AOX1: variants seen among roughly 807,000 people sequenced by gnomAD.
AOX1 encodes aldehyde oxidase 1, also known as aldehyde oxidase.
A neutral mutation model predicts 169.5 loss-of-function variants in AOX1; 153 were observed. That is an observed-to-expected ratio of 0.90 (90% confidence interval 0.79 to 1.03). The LOEUF (loss-of-function observed/expected upper bound fraction) is 1.03. Among genes scored for constraint, AOX1 ranks in the 50% least tolerant of loss-of-function variants. The pLI is 0.00. For missense variants in AOX1, 1,656 were observed against 1,663.9 expected, an observed-to-expected ratio of 1.00 and a Z score of 0.08; for synonymous variants, 562 against 581.9, an observed-to-expected ratio of 0.97 and a Z score of 0.49.
intron 27 of AOX1, 28 bp downstream of exon 27, chr2:200,656,965 T>G (rs762716414): frequency 1.0e-4 from 149 of 1,462,666 alleles, no homozygotes; most frequent in Non-Finnish European, 6.7e-5. Context: ...TCGATTGAGT[T>G]GGGTGTGTGC....
At chr2:200,586,305 C>T (rs2034029920) in intron 1 of AOX1, 152 bp downstream of exon 1, 1 of 844,020 alleles carries the variant, frequency 1.2e-6, no homozygotes, top group East Asian at 3.0e-5. Context: ...TTTGCCTTCG[C>T]ATTCCCACCC....
intron 25 of AOX1, among the ~76,000 whole-genome samples, chr2:200,646,805 A>T (rs1352650726): frequency 2.0e-5 from 3 of 152,184 alleles, no homozygotes; most frequent in African/African-American, 7.2e-5. Context: ...TTACCATTAT[A>T]TAATGCACCT....
chr2:200,618,592 G>A lies in AOX1; in HGVS notation c.1705-2058G>A, dbSNP rs148305640. ...CTGAAATAACACATGCCACTCTGCCGTTCTCTCCTGATATTCCAGCCCTGC... is the reference window on the plus strand; with the variant it reads ...CTGAAATAACACATGCCACTCTGCCATTCTCTCCTGATATTCCAGCCCTGC... On this transcript the variant is annotated intron_variant, in intron 16 of 34. Coordinates refer to ENST00000374700, the MANE Select transcript of AOX1 (RefSeq NM_001159.4). Among the ~76,000 whole-genome samples the A allele has an allele frequency of 1.1e-4, 17 of 152,158 alleles. No homozygotes were observed. The East Asian group carries it at 2.5e-3, about 22-fold the overall frequency.
chr2:200,607,665 C>T (rs911175984), intron 10 of AOX1, among the ~76,000 whole-genome samples: 4 of 152,142 alleles, frequency 2.6e-5, no homozygotes, highest in African/African-American at 9.7e-5. Flanking sequence ...GACACATGCA[C>T]ACTTAGGTAT....
Position 200,659,171 on chromosome 2 carries a change from A to G in AOX1, c.3178A>G (p.Ser1060Gly). 1 of 1,613,792 alleles carries G rather than the reference A, an allele frequency of 6.2e-7. No homozygotes were observed. The highest frequency in any genetic ancestry group is 8.5e-7 in the Non-Finnish European group (1 of 1,179,804). ...GVHTKMIQVV[S>G]RELRMPMSNV... ...ACTCTCTCTTAAAATTCAGGTGGTC[A>G]GCCGTGAATTAAGAATGCCAATGTC... Residue 1060 changes from serine to glycine, a missense_variant, in exon 28 of 35, where the codon AGC becomes GGC. Transcript: ENST00000374700.
intron 25 of AOX1, among the ~76,000 whole-genome samples, chr2:200,644,843 G>GCC: frequency 6.6e-6 from 1 of 152,088 alleles, no homozygotes; most frequent in Non-Finnish European, 1.5e-5. Context: ...TTGATTCTCT[G>GCC]CTTGGTCGCC....
rs752409848 is a variant in AOX1, at chr2:200,669,770, G to A, written c.3966+28G>A. On this transcript the variant is annotated intron_variant, in intron 34 of 34. Transcript: ENST00000374700. ...ACGTTTGCATGGTAGAAAAAAAATA[G>A]TGATCATAAAATTCTGAATTTTTGG... is the stretch of plus-strand genomic sequence containing the variant. 9.3e-6 allele frequency: 15 copies of A among 1,604,314 alleles called. No homozygotes were observed. The African/African-American group carries it at 1.3e-4, about 14-fold the overall frequency.
At chr2:200,649,293 C>T (rs1286158946) in intron 25 of AOX1, among the ~76,000 whole-genome samples, 1 of 151,938 alleles carries the variant, frequency 6.6e-6, no homozygotes, top group Non-Finnish European at 1.5e-5. Context: ...GCTGCTTCCT[C>T]TACCCCTGCA....
At chr2:200,608,381 C>T (rs1049386544) in intron 10 of AOX1, among the ~76,000 whole-genome samples, 4 of 152,122 alleles carry the variant, frequency 2.6e-5, no homozygotes, top group African/African-American at 9.7e-5. Flanking sequence ...TCTTTAAAAC[C>T]ACAGTAGCGA....
At chr2:200,590,004 G>T (rs2034135503) in intron 1 of AOX1, among the ~76,000 whole-genome samples, 1 of 152,154 alleles carries the variant, frequency 6.6e-6, no homozygotes, top group Admixed American at 6.5e-5. Flanking sequence ...CCCCATGGCT[G>T]TTCCCTGAGG....
Position 200,627,392 on chromosome 2 carries a change from A to C in AOX1, c.2164A>C (p.Lys722Gln), listed in dbSNP as rs1174016590. ...CAACTCCTCCTTCAAGCCAGAAAGGAAACTGGAATATGGAAATGTTGACGA... is the reference window on the plus strand; with the variant it reads ...CAACTCCTCCTTCAAGCCAGAAAGGCAACTGGAATATGGAAATGTTGACGA... Reference protein sequence around the residue: ...QHNSSFKPERKLEYGNVDEAF... With the variant: ...QHNSSFKPERQLEYGNVDEAF... Residue 722 changes from lysine to glutamine, a missense_variant, in exon 20 of 35, where the codon AAA becomes CAA. Transcript: ENST00000374700. The C allele has an allele frequency of 6.2e-7, 1 of 1,613,948 alleles. No individual in the cohort carries two copies. Among genetic ancestry groups the C allele is most frequent in the Admixed American group, 1.7e-5 (1 of 60,010 alleles).
chr2:200,679,694 C>A (rs1004001771), downstream of AOX1, among the ~76,000 whole-genome samples: 3 of 151,760 alleles, frequency 2.0e-5, no homozygotes, highest in African/African-American at 7.3e-5. Flanking sequence ...CATCTCATTG[C>A]CTCAGGGAGG....
At chr2:200,671,645 G>A (rs1362709143), downstream of AOX1, 1 of 152,142 alleles carries the variant, frequency 6.6e-6, no homozygotes, top group Non-Finnish European at 1.5e-5. Context: ...TAATCAAAAT[G>A]ATGGACAGCA....
At chr2:200,621,353 A>G in intron 18 of AOX1, 107 bp downstream of exon 18, 3 of 1,045,970 alleles carry the variant, frequency 2.9e-6, no homozygotes, top group East Asian at 2.5e-5. Context: ...AGACTCCAGT[A>G]TTCTTAGAAT....
chr2:200,620,207 T>TG (rs1272818087), intron 16 of AOX1, among the ~76,000 whole-genome samples: 1 of 150,900 alleles, frequency 6.6e-6, no homozygotes, highest in Non-Finnish European at 1.5e-5. Context: ...GACTTTTTTT[T>TG]TTTTTTTTTT....
chr2:200,597,004 G>A (rs2034297176), intron 3 of AOX1, among the ~76,000 whole-genome samples: 1 of 152,304 alleles, frequency 6.6e-6, no homozygotes. Context: ...TGTTGGTGAA[G>A]TCTGGCTGCT....
chr2:200,642,533 C>T, intron 24 of AOX1, 77 bp from the exon 25 acceptor site: 2 of 1,286,504 alleles, frequency 1.6e-6, no homozygotes, highest in Non-Finnish European at 1.1e-6. Flanking sequence ...CATTTTCGGC[C>T]TGGTTTTGGT....
At chr2:200,641,987 G>A (rs1319004777) in intron 24 of AOX1, among the ~76,000 whole-genome samples, 1 of 152,048 alleles carries the variant, frequency 6.6e-6, no homozygotes, top group Non-Finnish European at 1.5e-5. Context: ...ACTAAAGCCG[G>A]GTATGGTGGC....
At position 200,604,856 on chromosome 2, in the gene AOX1, G is replaced by A. The variant is rs772351866; in HGVS notation, c.814+16G>A. ...ACCTCTGTGGGTATGTAGAACCCCA[G>A]GGATTTTTTATAGGGAAATTGAGAA... On this transcript the variant is annotated intron_variant, in intron 9 of 34. Coordinates refer to ENST00000374700, the MANE Select transcript of AOX1 (RefSeq NM_001159.4). The A allele has an allele frequency of 7.4e-6, 12 of 1,612,462 alleles. No individual in the cohort carries two copies. Among genetic ancestry groups the A allele is most frequent in the Non-Finnish European group, 1.0e-5 (12 of 1,179,086 alleles).
Sources: gnomAD v4.1 joint callset for allele counts (sites outside exome capture counted in the v4.1 genomes callset) on GRCh38, gnomAD v4.1.1 for gene constraint, MANE v1.5 for transcripts, NCBI Gene and HGNC (gene_info 2026-07-23, HGNC 2026-07-21) for gene names.